The following STPG2 variants were observed in gnomAD, a reference collection of about 807,000 sequenced individuals.
STPG2 encodes the protein sperm-tail PG-rich repeat-containing protein 2.
Under a neutral mutation model 54.2 loss-of-function variants are expected in STPG2, and 56 were observed. The ratio of observed to expected loss-of-function variants is 1.03; its 90% CI spans 0.83 to 1.29. The LOEUF (loss-of-function observed/expected upper bound fraction) is 1.29. Among genes scored for constraint, STPG2 ranks in the 50% most tolerant of loss-of-function variants. The pLI is 0.00. For synonymous variants in STPG2, 200 were observed against 181.8 expected (o/e 1.10, Z -0.81); for missense variants, 596 against 544.9 (o/e 1.09, Z -0.93).
chr4:97,453,460 C>T lies in STPG2; in HGVS notation c.462+259239G>A, dbSNP rs187410019. Among the ~76,000 whole-genome samples the T allele has an allele frequency of 6.9e-4, 105 of 152,234 alleles. 2 individuals are homozygous for T. The highest frequency in any genetic ancestry group is 3.9e-3 in the South Asian group (19 of 4,820). ...GGCTGAGTGGGCAGAACCAGCCCAGCGGGCCTGAGCAAAACTCGGGCAAAG... is the reference window on the plus strand; with the variant it reads ...GGCTGAGTGGGCAGAACCAGCCCAGTGGGCCTGAGCAAAACTCGGGCAAAG... On this transcript the variant is annotated intron_variant, in intron 4 of 4. Coordinates refer to the STPG2 transcript ENST00000522676.
chr4:97,662,406 T>A (rs966123061), intron 10 of STPG2, among the ~76,000 whole-genome samples: 1 of 152,030 alleles, frequency 6.6e-6, no homozygotes, highest in Admixed American at 6.5e-5. Flanking sequence ...CAAAAAGGAA[T>A]GCTTATATAA....
chr4:97,712,686 A>T lies in STPG2; in HGVS notation c.1320+13T>A. On this transcript the variant is annotated intron_variant, in intron 10 of 10. Transcript: ENST00000295268. ...ATTCTTGTGTCACTGTTAAGAAGGA[A>T]ATATTGACAAACCTCATATGTTGCT... The T allele has an allele frequency of 6.5e-7, 1 of 1,535,322 alleles. No homozygotes were observed. Among genetic ancestry groups the T allele is most frequent in the Non-Finnish European group, 8.8e-7 (1 of 1,134,370 alleles).
intron 8 of STPG2, among the ~76,000 whole-genome samples, chr4:97,897,419 C>A (rs1029654328): frequency 1.3e-5 from 2 of 152,048 alleles, no homozygotes; most frequent in Non-Finnish European, 2.9e-5. Flanking sequence ...TGGATATATA[C>A]CCAGTAATGG....
chr4:97,653,115 G>A (rs10006899), intron 10 of STPG2, among the ~76,000 whole-genome samples: 78,398 of 144,580 alleles, frequency 0.54, 20,849 homozygotes, highest in Non-Finnish European at 0.59. Context: ...AGATAGATAG[G>A]TAGATAGATA....
chr4:97,631,688 C>A (rs1426971810), intron 10 of STPG2, among the ~76,000 whole-genome samples: 1 of 151,978 alleles, frequency 6.6e-6, no homozygotes, highest in Non-Finnish European at 1.5e-5. Flanking sequence ...GCTCTCACAG[C>A]CACCATATTA....
At chr4:97,909,528 C>T (rs972027152) in intron 8 of STPG2, among the ~76,000 whole-genome samples, 7 of 152,066 alleles carry the variant, frequency 4.6e-5, no homozygotes, top group African/African-American at 1.7e-4. Context: ...CAGACCAATG[C>T]ATCCCACAAA....
intron 2 of STPG2, among the ~76,000 whole-genome samples, chr4:98,133,558 AG>A (rs1230136885): frequency 6.6e-6 from 1 of 152,058 alleles, no homozygotes; most frequent in Non-Finnish European, 1.5e-5. Flanking sequence ...CTATGTTTAA[AG>A]AATAGATGTA....
At chr4:97,741,747 C>T (rs558150677) in intron 9 of STPG2, among the ~76,000 whole-genome samples, 13 of 151,192 alleles carry the variant, frequency 8.6e-5, no homozygotes, top group South Asian at 6.2e-4. Flanking sequence ...GAAATAGGAA[C>T]ACTTTTACAC....
chr4:98,023,150 A>G lies in STPG2; in HGVS notation c.613-41832T>C, dbSNP rs181517601. On this transcript the variant is annotated intron_variant, in intron 5 of 10. Transcript: ENST00000295268. Reference sequence around the variant, plus strand: ...GTTTTTTCGCCATCTTTGTGGTTTCATCTACTTTTGGTCTTTGATGATGGT... The same window carrying G: ...GTTTTTTCGCCATCTTTGTGGTTTCGTCTACTTTTGGTCTTTGATGATGGT... Among the ~76,000 whole-genome samples the G allele has an allele frequency of 1.6e-4, 24 of 152,118 alleles. 1 individual carries two copies. The East Asian group carries it at 4.7e-3, about 29-fold the overall frequency.
intron 9 of STPG2, among the ~76,000 whole-genome samples, chr4:97,722,964 ATTTTT>A (rs3974903): frequency 8.6e-6 from 1 of 116,338 alleles, no homozygotes; most frequent in Non-Finnish European, 1.7e-5. Context: ...CACCCGGCTA[ATTTTT>A]TTTTTTTTTT....
At chr4:97,649,517 T>G (rs143756074) in intron 10 of STPG2, among the ~76,000 whole-genome samples, 1 of 152,242 alleles carries the variant, frequency 6.6e-6, no homozygotes, top group African/African-American at 2.4e-5. Context: ...AGTTGGAAGA[T>G]TAATCTCTAG....
chr4:97,504,489 C>T (rs1390917720), intron 4 of STPG2, among the ~76,000 whole-genome samples: 2 of 151,660 alleles, frequency 1.3e-5, no homozygotes, highest in Admixed American at 6.6e-5. Context: ...TAAATAGTAC[C>T]TATGGGAAAT....
At chr4:97,943,549 T>C (rs542413991) in intron 8 of STPG2, among the ~76,000 whole-genome samples, 41 of 150,048 alleles carry the variant, frequency 2.7e-4, no homozygotes, top group Admixed American at 1.7e-3. Flanking sequence ...ACGAATTCCA[T>C]TGAAAAGAGA....
chr4:97,709,561 T>C (rs1255334087), intron 10 of STPG2, among the ~76,000 whole-genome samples: 1 of 151,624 alleles, frequency 6.6e-6, no homozygotes, highest in Non-Finnish European at 1.5e-5. Flanking sequence ...GAGATATATT[T>C]AAATCTTTTC....
At chr4:97,601,657 T>A (rs1251916710) in intron 10 of STPG2, among the ~76,000 whole-genome samples, 1 of 151,948 alleles carries the variant, frequency 6.6e-6, no homozygotes, top group South Asian at 2.1e-4. Context: ...GATCCATATA[T>A]GCATACATCT....
At chr4:97,698,426 GA>G (rs890956599) in intron 10 of STPG2, among the ~76,000 whole-genome samples, 2 of 152,086 alleles carry the variant, frequency 1.3e-5, no homozygotes, top group African/African-American at 4.8e-5. Context: ...TTAGCCTGTT[GA>G]CTTAAAGGTA....
chr4:97,540,949 A>T (rs1156836113), intron 4 of STPG2, among the ~76,000 whole-genome samples: 2 of 152,184 alleles, frequency 1.3e-5, no homozygotes, highest in East Asian at 3.8e-4. Flanking sequence ...TCAATAAATT[A>T]GGTATGGATG....
chr4:97,944,700 C>A (rs982284513), intron 7 of STPG2, among the ~76,000 whole-genome samples: 2 of 152,036 alleles, frequency 1.3e-5, no homozygotes, highest in African/African-American at 4.8e-5. Context: ...ATTTGATATT[C>A]ATAGTTAATA....
intron 9 of STPG2, among the ~76,000 whole-genome samples, chr4:97,728,933 GAA>G (rs1382589990): frequency 4.6e-5 from 7 of 151,744 alleles, no homozygotes; most frequent in Admixed American, 1.3e-4. Flanking sequence ...GAGAGAGAGA[GAA>G]AGAAAGATAC....
Sources: gnomAD v4.1 joint callset for allele counts (sites outside exome capture counted in the v4.1 genomes callset) on GRCh38, gnomAD v4.1.1 for gene constraint, MANE v1.5 for transcripts, NCBI Gene and HGNC (gene_info 2026-07-23, HGNC 2026-07-21) for gene names.